Variants in ZBTB20 observed in about 807,000 individuals in gnomAD.
The protein encoded by ZBTB20 is zinc finger and BTB domain-containing protein 20.
In ZBTB20, 9 loss-of-function variants were observed where a neutral mutation model predicts 56.9. That is an observed-to-expected ratio of 0.16 (90% CI 0.10 to 0.28). The LOEUF (loss-of-function observed/expected upper bound fraction) is 0.28. Among genes scored for constraint, ZBTB20 ranks in the 10% least tolerant of loss-of-function variants. The pLI, the probability that ZBTB20 is intolerant of heterozygous loss-of-function variation, is 1.00. For synonymous variants in ZBTB20, 417 were observed against 420.7 expected (o/e 0.99, Z 0.11); for missense variants, 655 against 1,003.0 (o/e 0.65, Z 4.69).
At position 114,326,435 on chromosome 3, in the gene ZBTB20, T is replaced by C. The variant is rs1210116747; in HGVS notation, c.*12570A>G. 1 of 152,160 alleles carries C rather than the reference T, an allele frequency of 6.6e-6. No homozygotes were observed. The highest frequency in any genetic ancestry group is 1.5e-5 in the Non-Finnish European group (1 of 68,014). 9.4% of individuals were successfully genotyped at this position (152,160 alleles called of 1,614,324 possible). A position where few individuals can be genotyped will look rare whatever the true frequency, so the allele number is the denominator to read the frequency against. ...TCAAAGTAAAGAGAGAATTTCTCTC[T>C]TAAAAGCTCATGAGTGCTATTTGAA... On this transcript the variant is annotated 3_prime_UTR_variant, in exon 12 of 12. Transcript: ENST00000675478.
intron 6 of ZBTB20, among the ~76,000 whole-genome samples, chr3:114,672,834 T>A (rs1456744877): frequency 6.6e-6 from 1 of 152,146 alleles, no homozygotes; most frequent in East Asian, 1.9e-4. Flanking sequence ...GACTAACAAT[T>A]CTTCCTTAAT....
chr3:114,604,374 A>T (rs1019876404), intron 6 of ZBTB20, among the ~76,000 whole-genome samples: 3 of 152,010 alleles, frequency 2.0e-5, no homozygotes, highest in Admixed American at 6.6e-5. Context: ...ACACAAAAAA[A>T]ATAATGAATA....
At position 114,788,539 on chromosome 3, in the gene ZBTB20, T is replaced by G. The variant is rs183948768; in HGVS notation, c.-343+12562A>C. Among the ~76,000 whole-genome samples the G allele has an allele frequency of 7.8e-3, 1,181 of 152,306 alleles. 9 individuals carry two copies. The highest frequency in any genetic ancestry group is 0.026 in the African/African-American group (1,068 of 41,570). On this transcript the variant is annotated intron_variant, in intron 5 of 11. Transcript: ENST00000675478. ...TCCATTCTATGTATGGACCACATTTTGTTAATCCATTTGTCCATTCATGGA... is the reference window on the plus strand; with the variant it reads ...TCCATTCTATGTATGGACCACATTTGGTTAATCCATTTGTCCATTCATGGA...
At chr3:114,396,378 C>T (rs184129092) in intron 7 of ZBTB20, among the ~76,000 whole-genome samples, 216 of 152,282 alleles carry the variant, frequency 1.4e-3, no homozygotes, top group Admixed American at 3.7e-3. Flanking sequence ...TTTCCCTCTT[C>T]CTGCTCCCAT....
intron 7 of ZBTB20, among the ~76,000 whole-genome samples, chr3:114,485,703 A>T (rs2042039407): frequency 6.6e-6 from 1 of 152,012 alleles, no homozygotes; most frequent in Non-Finnish European, 1.5e-5. Flanking sequence ...TCATGAATGG[A>T]TTTGTGCCCT....
intron 4 of ZBTB20, among the ~76,000 whole-genome samples, chr3:114,840,661 A>G (rs1213953440): frequency 6.6e-6 from 1 of 152,210 alleles, no homozygotes; most frequent in Non-Finnish European, 1.5e-5. Context: ...AAAATTGACA[A>G]GGGCATAATA....
At chr3:114,862,655 G>A (rs1032240247) in intron 4 of ZBTB20, among the ~76,000 whole-genome samples, 3 of 152,040 alleles carry the variant, frequency 2.0e-5, no homozygotes, top group Admixed American at 6.6e-5. Context: ...TGTATGCTCC[G>A]AGCCTATAAC....
At chr3:114,953,632 T>C (rs993007919) in intron 3 of ZBTB20, among the ~76,000 whole-genome samples, 5 of 152,014 alleles carry the variant, frequency 3.3e-5, no homozygotes, top group Non-Finnish European at 7.4e-5. Context: ...TCATATAATG[T>C]TGAAGAGTTA....
intron 6 of ZBTB20, among the ~76,000 whole-genome samples, chr3:114,678,690 T>C (rs2061784760): frequency 6.6e-6 from 1 of 152,164 alleles, no homozygotes; most frequent in South Asian, 2.1e-4. Context: ...TTCGAGTACG[T>C]AGAATTACTT....
chr3:114,625,132 G>A (rs1455345218), intron 6 of ZBTB20, among the ~76,000 whole-genome samples: 1 of 151,946 alleles, frequency 6.6e-6, no homozygotes, highest in Non-Finnish European at 1.5e-5. Context: ...GCAGGGCTCT[G>A]TTCTGCAATA....
At chr3:114,467,010 G>A (rs1427817679) in intron 7 of ZBTB20, among the ~76,000 whole-genome samples, 1 of 152,168 alleles carries the variant, frequency 6.6e-6, no homozygotes, top group Non-Finnish European at 1.5e-5. Context: ...TGGAATGTGG[G>A]AAAATTCCAA....
chr3:114,374,506 A>G (rs1031304645), intron 10 of ZBTB20, among the ~76,000 whole-genome samples: 6 of 152,204 alleles, frequency 3.9e-5, no homozygotes, highest in African/African-American at 1.4e-4. Flanking sequence ...GGATTGTCCA[A>G]CTTGTCCTAA....
At chr3:114,399,305 G>A (rs986827923) in intron 7 of ZBTB20, among the ~76,000 whole-genome samples, 1 of 152,030 alleles carries the variant, frequency 6.6e-6, no homozygotes, top group Non-Finnish European at 1.5e-5. Context: ...ATATAAAGCG[G>A]TATACAAACA....
At chr3:114,999,135 AG>A (rs1483998224) in intron 2 of ZBTB20, among the ~76,000 whole-genome samples, 1 of 138,706 alleles carries the variant, frequency 7.2e-6, no homozygotes, top group Non-Finnish European at 1.6e-5. Flanking sequence ...GGGAAGAGGA[AG>A]GGGGAAAGGG....
intron 6 of ZBTB20, among the ~76,000 whole-genome samples, chr3:114,621,583 G>T (rs1437516617): frequency 6.6e-6 from 1 of 151,972 alleles, no homozygotes; most frequent in Non-Finnish European, 1.5e-5. Flanking sequence ...TTCTTATTGG[G>T]GTAACAACAA....
intron 3 of ZBTB20, among the ~76,000 whole-genome samples, chr3:114,926,323 C>T (rs2076156190): frequency 6.6e-6 from 1 of 152,174 alleles, no homozygotes; most frequent in South Asian, 2.1e-4. Context: ...CTAGTCTTAT[C>T]CATTCTCCAA....
At chr3:114,846,490 A>G (rs1274056566) in intron 4 of ZBTB20, among the ~76,000 whole-genome samples, 1 of 152,208 alleles carries the variant, frequency 6.6e-6, no homozygotes, top group Non-Finnish European at 1.5e-5. Context: ...TGGTGAGGGC[A>G]CTGAGACCTG....
At position 114,519,457 on chromosome 3, in the gene ZBTB20, T is replaced by C. The variant is rs1282475171; in HGVS notation, c.-294-19066A>G. ...CAAGAATTCCATCAAACCCCAGTAA[T>C]GTGCCTTTAGAGAGACTGGGCTTAT... On this transcript the variant is annotated intron_variant, in intron 6 of 11. Transcript: ENST00000675478. Among the ~76,000 whole-genome samples the C allele has an allele frequency of 3.3e-5, 5 of 151,788 alleles. No homozygotes were observed. In the East Asian group the frequency reaches 5.8e-4, roughly 18 times the overall value.
intron 4 of ZBTB20, chr3:114,874,125 A>G (rs1243410514): frequency 1.3e-5 from 2 of 152,198 alleles, no homozygotes; most frequent in African/African-American, 2.4e-5. Context: ...AAGAAAAGGT[A>G]AATAAATATT....
Sources: gnomAD v4.1 joint callset for allele counts (sites outside exome capture counted in the v4.1 genomes callset) on GRCh38, gnomAD v4.1.1 for gene constraint, MANE v1.5 for transcripts, NCBI Gene and HGNC (gene_info 2026-07-23, HGNC 2026-07-21) for gene names.